TGFBR3: variants seen among roughly 807,000 people sequenced by gnomAD.
TGFBR3 encodes the protein transforming growth factor beta receptor type 3.
In TGFBR3, 46 loss-of-function variants were observed where a neutral mutation model predicts 87.9. The observed-to-expected ratio is 0.52, with a 90% confidence interval of 0.41 to 0.67. The LOEUF (loss-of-function observed/expected upper bound fraction) is 0.67, where lower values mean the gene tolerates loss of function less well. Among genes scored for constraint, TGFBR3 ranks in the 30% least tolerant of loss-of-function variants. The pLI is 0.00. For missense variants in TGFBR3, 866 were observed against 1,041.9 expected (o/e 0.83, Z 2.32); for synonymous variants, 381 against 391.6 (o/e 0.97, Z 0.32).
chr1:91,845,348 G>A (rs998866980), intron 2 of TGFBR3, among the ~76,000 whole-genome samples: 3 of 152,212 alleles, frequency 2.0e-5, no homozygotes, highest in Middle Eastern at 6.3e-3. Context: ...GCAGGGCCAG[G>A]CTCAGGAACT....
chr1:91,702,731 C>A (rs909446093), intron 14 of TGFBR3, among the ~76,000 whole-genome samples: 4 of 151,742 alleles, frequency 2.6e-5, no homozygotes, highest in African/African-American at 9.7e-5. Context: ...TGAAATTTTT[C>A]AAAATAAAAA....
chr1:91,882,040 A>AAAATAAAT (rs61260637), intron 1 of TGFBR3, among the ~76,000 whole-genome samples: 132,094 of 146,320 alleles, frequency 0.9, 60,171 homozygotes, highest in Middle Eastern at 0.97. Context: ...CTTTGTCTCA[A>AAAATAAAT]AAATAAATAA....
intron 1 of TGFBR3, among the ~76,000 whole-genome samples, chr1:91,875,304 A>G (rs2101257212): frequency 6.6e-6 from 1 of 152,236 alleles, no homozygotes; most frequent in Admixed American, 6.5e-5. Context: ...AGAAGGAGGG[A>G]CATGGGAAAT....
At chr1:91,810,908 A>T (rs1434040076) in intron 2 of TGFBR3, among the ~76,000 whole-genome samples, 1 of 152,258 alleles carries the variant, frequency 6.6e-6, no homozygotes, top group Non-Finnish European at 1.5e-5. Context: ...ACTTCATCAA[A>T]GCACTTAGCT....
rs1557690988 is a variant in TGFBR3 at position 91,749,469 on chromosome 1, G to A, written c.384+9144C>T. 3.3e-5 allele frequency among the ~76,000 whole-genome samples: 5 copies of A among 152,176 alleles called. No individual in the cohort carries two copies. In the East Asian group the frequency reaches 9.6e-4, roughly 29 times the overall value. On this transcript the variant is annotated intron_variant, in intron 4 of 16. Transcript: ENST00000212355. ...AACAAAAGGCAAAAGCAGATCTTGA[G>A]AAAAGCAAATTCTATCCTAGACACA...
At chr1:91,739,160 A>G (rs1401907381) in intron 4 of TGFBR3, among the ~76,000 whole-genome samples, 1 of 152,194 alleles carries the variant, frequency 6.6e-6, no homozygotes, top group African/African-American at 2.4e-5. Context: ...TGTAAGGACT[A>G]TTGAAACATC....
chr1:91,712,644 G>A lies in TGFBR3; in HGVS notation c.1867-102C>T. ...AAGACAGCCCTTCAGATGACACGCT[G>A]CTTTATCTTCATAACATAGTTATAG... On this transcript the variant is annotated intron_variant, in intron 12 of 16. Transcript: ENST00000212355. The A allele has an allele frequency of 3.0e-6, 3 of 1,012,568 alleles. No homozygotes were observed. The South Asian group carries it at 4.0e-5, about 13-fold the overall frequency. The allele number at this position is 1,012,568 out of a possible 1,614,324, so 62.7% of individuals were successfully genotyped here.
Position 91,786,337 on chromosome 1 carries a change from C to T in TGFBR3, c.246+10950G>A, listed in dbSNP as rs1044421575. The T allele has an allele frequency of 2.5e-5, 11 of 441,316 alleles. 1 individual carries two copies. The highest frequency in any genetic ancestry group is 2.2e-4 in the Admixed American group (9 of 40,734). The allele number at this position is 441,316 out of a possible 1,614,324, so 27.3% of individuals were successfully genotyped here. On this transcript the variant is annotated intron_variant, in intron 3 of 16. Coordinates refer to ENST00000212355, the MANE Select transcript of TGFBR3 (RefSeq NM_003243.5). ...GAATCAGGGTCTAAAGCTGAAGAGG[C>T]CAGTCCCAGGAGACCAGTTAAGGAG...
intron 2 of TGFBR3, among the ~76,000 whole-genome samples, chr1:91,818,079 T>C (rs771981232): frequency 3.3e-5 from 5 of 152,088 alleles, no homozygotes; most frequent in Non-Finnish European, 7.4e-5. Context: ...TCCTTTTTTT[T>C]CTATTTTACC....
intron 2 of TGFBR3, among the ~76,000 whole-genome samples, chr1:91,814,989 G>T (rs1333168210): frequency 6.6e-6 from 1 of 152,118 alleles, no homozygotes; most frequent in African/African-American, 2.4e-5. Context: ...CTACTATACT[G>T]TGAGCAATTT....
chr1:91,887,661 G>A (rs1266414241), upstream of TGFBR3, among the ~76,000 whole-genome samples: 3 of 152,052 alleles, frequency 2.0e-5, no homozygotes, highest in Non-Finnish European at 4.4e-5. Flanking sequence ...AATATTTCTC[G>A]TCCTCTTCCT....
intron 14 of TGFBR3, among the ~76,000 whole-genome samples, chr1:91,701,858 A>G (rs775981936): frequency 3.9e-5 from 6 of 152,192 alleles, no homozygotes; most frequent in Non-Finnish European, 1.5e-5. Context: ...CATTTAAGAC[A>G]GAGTTTTTAC....
intron 3 of TGFBR3, among the ~76,000 whole-genome samples, chr1:91,791,633 A>G (rs1264514123): frequency 6.6e-6 from 1 of 152,200 alleles, no homozygotes; most frequent in African/African-American, 2.4e-5. Flanking sequence ...GTAGCCCAGA[A>G]CCAAGTAAGA....
chr1:91,700,404 A>T (rs373425929), intron 14 of TGFBR3, among the ~76,000 whole-genome samples: 2 of 152,230 alleles, frequency 1.3e-5, no homozygotes, highest in African/African-American at 2.4e-5. Flanking sequence ...TAGACAGGAT[A>T]AAAGAAAACA....
intron 2 of TGFBR3, among the ~76,000 whole-genome samples, chr1:91,800,330 A>ATATGTGTGTGTGTGTG (rs1553168326): frequency 7.3e-6 from 1 of 136,220 alleles, no homozygotes; most frequent in African/African-American, 2.9e-5. Flanking sequence ...ATATGTGTAT[A>ATATGTGTGTGTGTGTG]TGTGTGTGTG....
chr1:91,681,814 A>G lies in TGFBR3; in HGVS notation c.*1925T>C, dbSNP rs1670917497. On this transcript the variant is annotated 3_prime_UTR_variant, in exon 17 of 17. Transcript: ENST00000212355. Reference sequence around the variant, plus strand: ...TTTATACATAGAATATGCTGAAACAATACATTCCACCGAAGGTTAGGCAAA... The same window carrying G: ...TTTATACATAGAATATGCTGAAACAGTACATTCCACCGAAGGTTAGGCAAA... 2.2e-6 allele frequency: 1 copy of G among 452,998 alleles called. No homozygotes were observed. The highest frequency in any genetic ancestry group is 2.0e-5 in the African/African-American group (1 of 49,966). 28.1% of individuals were successfully genotyped at this position (452,998 alleles called of 1,614,324 possible).
chr1:91,887,338 G>A (rs1679353354), upstream of TGFBR3, among the ~76,000 whole-genome samples: 1 of 136,704 alleles, frequency 7.3e-6, no homozygotes, highest in Non-Finnish European at 1.5e-5. Context: ...TACAACCTCC[G>A]CTTCTCAGGC....
At chr1:91,867,021 G>A (rs1678415792) in intron 1 of TGFBR3, among the ~76,000 whole-genome samples, 2 of 152,232 alleles carry the variant, frequency 1.3e-5, no homozygotes, top group Admixed American at 1.3e-4. Context: ...AAGGATGGAG[G>A]TTTAGATCAG....
At chr1:91,739,142 T>C (rs1313747619) in intron 4 of TGFBR3, among the ~76,000 whole-genome samples, 1 of 152,178 alleles carries the variant, frequency 6.6e-6, no homozygotes, top group South Asian at 2.1e-4. Flanking sequence ...CAGGACCTTG[T>C]AGACCGTTGT....
Sources: allele counts gnomAD v4.1 joint callset (sites outside exome capture counted in the v4.1 genomes callset), GRCh38; gene constraint gnomAD v4.1.1; transcripts MANE v1.5; gene names NCBI Gene and HGNC (gene_info 2026-07-23, HGNC 2026-07-21).